DLGAP4: variants seen among roughly 807,000 people sequenced by gnomAD.
DLGAP4 encodes the protein disks large-associated protein 4.
In DLGAP4, 18 loss-of-function variants were observed where a neutral mutation model predicts 86.9. The ratio of observed to expected loss-of-function variants is 0.21; its 90% confidence interval spans 0.14 to 0.31. The LOEUF (loss-of-function observed/expected upper bound fraction) is 0.31, where lower values mean the gene tolerates loss of function less well. Ranked by LOEUF, DLGAP4 falls within the 10% of genes least tolerant of loss-of-function variation. The pLI, the probability that DLGAP4 is intolerant of heterozygous loss-of-function variation, is 1.00. For synonymous variants in DLGAP4, 548 were observed against 574.3 expected (o/e 0.95, Z 0.65); for missense variants, 1,085 against 1,362.6 (o/e 0.80, Z 3.21).
intron 7 of DLGAP4, among the ~76,000 whole-genome samples, chr20:36,491,643 G>A (rs546679245): frequency 6.6e-6 from 1 of 152,178 alleles, no homozygotes; most frequent in East Asian, 1.9e-4. Context: ...GAAGGGGTAT[G>A]CTGAGGGGGT....
chr20:36,512,285 C>T (rs1057472656), intron 10 of DLGAP4, among the ~76,000 whole-genome samples: 5 of 151,850 alleles, frequency 3.3e-5, no homozygotes, highest in Admixed American at 2.0e-4. Flanking sequence ...CTCCTGACCT[C>T]GTGATCCGCC....
At chr20:36,435,558 C>T (rs1264110662) in intron 3 of DLGAP4, among the ~76,000 whole-genome samples, 3 of 152,200 alleles carry the variant, frequency 2.0e-5, no homozygotes, top group Non-Finnish European at 4.4e-5. Flanking sequence ...CTACCTGACC[C>T]GGGGAAGCAC....
chr20:36,432,389 C>T lies in DLGAP4; in HGVS notation c.672C>T (p.Ala224=). The change falls in exon 3 of 13, where the codon GCC becomes GCT. Residue 224 remains alanine, a synonymous_variant. Coordinates refer to ENST00000339266, the MANE Select transcript of DLGAP4 (RefSeq NM_001365621.2). The surrounding 1 kb of genome is among the most constrained non-coding windows in gnomAD (Gnocchi z 6.5). ...EAGAFRSSGP[A]SGLMTLGRQA... is the part of the protein sequence containing the mutation. ...GCGCCTTCCGCAGCAGTGGCCCAGC[C>T]TCTGGGCTGATGACACTAGGCCGCC... is the stretch of plus-strand genomic sequence containing the variant. 10 of 1,613,802 alleles carry T rather than the reference C, an allele frequency of 6.2e-6. No homozygotes were observed. The highest frequency in any genetic ancestry group is 8.5e-6 in the Non-Finnish European group (10 of 1,180,048).
At chr20:36,378,776 G>A (rs897643004) in intron 2 of DLGAP4, among the ~76,000 whole-genome samples, 6 of 152,032 alleles carry the variant, frequency 3.9e-5, no homozygotes, top group Non-Finnish European at 8.8e-5. Flanking sequence ...CAGAGTGCAG[G>A]AGACGCTTGA....
intron 7 of DLGAP4, among the ~76,000 whole-genome samples, chr20:36,458,071 G>A (rs989416655): frequency 1.1e-4 from 17 of 152,134 alleles, no homozygotes; most frequent in Non-Finnish European, 1.9e-4. Flanking sequence ...GAGAGCCATG[G>A]TAAGAGGTGA....
intron 1 of DLGAP4, among the ~76,000 whole-genome samples, chr20:36,331,722 C>T (rs944770385): frequency 6.6e-6 from 1 of 152,222 alleles, no homozygotes; most frequent in Non-Finnish European, 1.5e-5. Flanking sequence ...GGTCCCTGCC[C>T]TCACAGAGCT....
At chr20:36,467,063 T>C (rs1055332303) in intron 7 of DLGAP4, among the ~76,000 whole-genome samples, 2,461 of 39,116 alleles carry the variant, frequency 0.063, 33 homozygotes, top group Non-Finnish European at 0.083. Context: ...TCTCTCTCTC[T>C]CCCCCCCCCT....
chr20:36,473,634 A>G (rs531942880), intron 7 of DLGAP4, among the ~76,000 whole-genome samples: 12 of 152,318 alleles, frequency 7.9e-5, no homozygotes, highest in Admixed American at 7.2e-4. Context: ...ATTTTTTAAA[A>G]TAGAGATTTC....
intron 2 of DLGAP4, among the ~76,000 whole-genome samples, chr20:36,430,437 G>A (rs978442041): frequency 3.9e-5 from 6 of 152,100 alleles, no homozygotes; most frequent in African/African-American, 9.7e-5. Flanking sequence ...GCTTCCATTT[G>A]ACATAGGAAT....
intron 1 of DLGAP4, among the ~76,000 whole-genome samples, chr20:36,334,836 G>A (rs538849411): frequency 6.6e-6 from 1 of 152,074 alleles, no homozygotes; most frequent in Admixed American, 6.5e-5. Flanking sequence ...GCACAGGGTG[G>A]TCCCTTTCCC....
intron 7 of DLGAP4, among the ~76,000 whole-genome samples, chr20:36,482,513 T>G (rs1244020642): frequency 6.6e-6 from 1 of 152,108 alleles, no homozygotes; most frequent in Non-Finnish European, 1.5e-5. Flanking sequence ...CAGCCAGTAT[T>G]TGAAAAGCCA....
At chr20:36,365,231 C>G (rs782190794) in intron 1 of DLGAP4, among the ~76,000 whole-genome samples, 7 of 152,244 alleles carry the variant, frequency 4.6e-5, no homozygotes, top group African/African-American at 1.7e-4. Flanking sequence ...GTGCTGGGCA[C>G]AGGCCACCTC....
chr20:36,367,860 C>T (rs763433629), intron 2 of DLGAP4, among the ~76,000 whole-genome samples: 2 of 152,334 alleles, frequency 1.3e-5, no homozygotes, highest in Non-Finnish European at 2.9e-5. Flanking sequence ...CTTCACCATG[C>T]TGCTTGCATC....
chr20:36,420,570 A>G (rs1205675304), intron 2 of DLGAP4, among the ~76,000 whole-genome samples: 1 of 152,080 alleles, frequency 6.6e-6, no homozygotes, highest in African/African-American at 2.4e-5. Context: ...AGGCGCAGTG[A>G]CCCACACCTG....
intron 9 of DLGAP4, among the ~76,000 whole-genome samples, chr20:36,499,941 T>A (rs557041410): frequency 6.6e-5 from 10 of 152,276 alleles, no homozygotes; most frequent in African/African-American, 2.4e-4. Flanking sequence ...CTGGTGGTCT[T>A]CCTGGCCCCA....
At chr20:36,351,405 G>A (rs558924150) in intron 1 of DLGAP4, among the ~76,000 whole-genome samples, 10 of 151,960 alleles carry the variant, frequency 6.6e-5, no homozygotes, top group African/African-American at 2.4e-4. Flanking sequence ...ATAGGAGCTC[G>A]AACCCTATTG....
At chr20:36,524,484 A>G (rs757375767) in intron 11 of DLGAP4, 143 bp downstream of exon 11, 14 of 667,622 alleles carry the variant, frequency 2.1e-5, no homozygotes, top group Non-Finnish European at 3.5e-5. Flanking sequence ...GACAGTGGCA[A>G]TGTGTGTCAG....
intron 10 of DLGAP4, among the ~76,000 whole-genome samples, chr20:36,515,200 TTTTG>T (rs1189958508): frequency 1.3e-5 from 2 of 152,240 alleles, no homozygotes; most frequent in African/African-American, 2.4e-5. Flanking sequence ...CTTAAAAAAC[TTTTG>T]TTTTATATAT....
intron 7 of DLGAP4, among the ~76,000 whole-genome samples, chr20:36,452,304 G>A (rs1038967314): frequency 2.0e-5 from 3 of 151,632 alleles, no homozygotes; most frequent in African/African-American, 4.8e-5. Flanking sequence ...TCAGCCTCCC[G>A]AGTAGCTGAG....
Sources: allele counts gnomAD v4.1 joint callset (sites outside exome capture counted in the v4.1 genomes callset), GRCh38; gene constraint gnomAD v4.1.1; non-coding constraint Gnocchi (gnomAD v3.1); transcripts MANE v1.5; gene names NCBI Gene and HGNC (gene_info 2026-07-23, HGNC 2026-07-21).